PHLPP1: variants seen among roughly 807,000 people sequenced by gnomAD.
The protein encoded by PHLPP1 is PH domain leucine-rich repeat-containing protein phosphatase 1.
PHLPP1 carries 42 observed loss-of-function variants against 117.2 expected under a neutral mutation model. The observed-to-expected ratio is 0.36, with a 90% CI of 0.28 to 0.46. PHLPP1 has a LOEUF of 0.46. PHLPP1 is among the 20% of genes least tolerant of loss of function. PHLPP1 has a pLI of 1.00. For synonymous variants in PHLPP1, 1,042 were observed against 970.7 expected (o/e 1.07, Z -1.37); for missense variants, 2,084 against 2,241.9 (o/e 0.93, Z 1.42).
intron 1 of PHLPP1, among the ~76,000 whole-genome samples, chr18:62,813,530 G>A (rs1250398431): frequency 6.6e-6 from 1 of 152,150 alleles, no homozygotes; most frequent in Non-Finnish European, 1.5e-5. Flanking sequence ...GACCTGATTT[G>A]CTTGCTTCTT....
intron 1 of PHLPP1, among the ~76,000 whole-genome samples, chr18:62,726,488 A>G (rs1223250464): frequency 6.6e-6 from 1 of 151,284 alleles, no homozygotes; most frequent in Admixed American, 6.6e-5. Context: ...ATGCTTAGGA[A>G]TATCTCTTCT....
intron 3 of PHLPP1, among the ~76,000 whole-genome samples, chr18:62,858,651 G>A (rs1407946047): frequency 1.3e-5 from 2 of 152,148 alleles, no homozygotes; most frequent in Non-Finnish European, 2.9e-5. Flanking sequence ...TGTGAATGAA[G>A]CTGGGTATGG....
At chr18:62,935,347 G>A (rs1033662388) in intron 10 of PHLPP1, among the ~76,000 whole-genome samples, 4 of 152,112 alleles carry the variant, frequency 2.6e-5, no homozygotes, top group African/African-American at 4.8e-5. Context: ...TGAATAAAAC[G>A]TTAAAACACT....
At chr18:62,893,121 A>C (rs1437089517) in intron 4 of PHLPP1, among the ~76,000 whole-genome samples, 1 of 150,984 alleles carries the variant, frequency 6.6e-6, no homozygotes, top group Non-Finnish European at 1.5e-5. Context: ...GGTTCACCAC[A>C]ACCTCTGTCT....
chr18:62,736,623 A>C (rs752658906), intron 1 of PHLPP1, among the ~76,000 whole-genome samples: 1 of 152,218 alleles, frequency 6.6e-6, no homozygotes, highest in Non-Finnish European at 1.5e-5. Flanking sequence ...TTGGCGACAT[A>C]ATGAATGAAA....
intron 12 of PHLPP1, among the ~76,000 whole-genome samples, chr18:62,952,360 T>C (rs1910487852): frequency 6.6e-6 from 1 of 152,220 alleles, no homozygotes; most frequent in African/African-American, 2.4e-5. Context: ...AGTTTTAGTG[T>C]TTGAGGAAAT....
chr18:62,829,487 C>T (rs185790788), intron 1 of PHLPP1, among the ~76,000 whole-genome samples: 25 of 152,334 alleles, frequency 1.6e-4, no homozygotes, highest in Non-Finnish European at 7.3e-5. Flanking sequence ...CGTGGTGGCT[C>T]ACGCCTGTAA....
chr18:62,978,738 C>T lies in PHLPP1; in HGVS notation c.4461C>T (p.Ser1487=). 3.1e-6 allele frequency: 5 copies of T among 1,613,618 alleles called. No individual in the cohort carries two copies. Among genetic ancestry groups the T allele is most frequent in the Non-Finnish European group, 4.2e-6 (5 of 1,179,832 alleles). ...GTGAGCTCTCCACTTCTGAGATGAG[C>T]AGCGAGGTGGGGTCAACAGCCTCCG... ...ISSELSTSEM[S]SEVGSTASDE... Residue 1487 remains serine, a synonymous_variant, in exon 17 of 17, where the codon AGC becomes AGT. Transcript: ENST00000262719. The surrounding 1 kb of genome is among the most constrained non-coding windows in gnomAD (Gnocchi z 7.0).
intron 9 of PHLPP1, among the ~76,000 whole-genome samples, chr18:62,916,388 G>C (rs951260362): frequency 6.7e-6 from 1 of 149,010 alleles, no homozygotes; most frequent in Non-Finnish European, 1.5e-5. Context: ...ATTACATGTG[G>C]CTTATATTTG....
At chr18:62,888,544 T>C (rs556385853) in intron 4 of PHLPP1, among the ~76,000 whole-genome samples, 1 of 152,070 alleles carries the variant, frequency 6.6e-6, no homozygotes, top group East Asian at 1.9e-4. Context: ...TTACCAAAAA[T>C]ACAAAACTTA....
chr18:62,891,104 A>G (rs1457903784), intron 4 of PHLPP1, among the ~76,000 whole-genome samples: 1 of 152,180 alleles, frequency 6.6e-6, no homozygotes, highest in Non-Finnish European at 1.5e-5. Flanking sequence ...AGTGTGCCCC[A>G]TGATGCAATG....
At chr18:62,742,429 G>C (rs1471684342) in intron 1 of PHLPP1, among the ~76,000 whole-genome samples, 3 of 152,088 alleles carry the variant, frequency 2.0e-5, no homozygotes, top group Non-Finnish European at 1.5e-5. Flanking sequence ...CTTTTTACTG[G>C]CTTCATGTAA....
chr18:62,742,439 A>ATT (rs952163602), intron 1 of PHLPP1, among the ~76,000 whole-genome samples: 1 of 147,214 alleles, frequency 6.8e-6, no homozygotes, highest in Non-Finnish European at 1.5e-5. Flanking sequence ...GCTTCATGTA[A>ATT]TTTTTTTTTT....
chr18:62,916,854 A>G (rs548942788), intron 9 of PHLPP1, among the ~76,000 whole-genome samples: 55 of 138,536 alleles, frequency 4.0e-4, no homozygotes, highest in African/African-American at 1.5e-3. Context: ...CCCGGGTTCC[A>G]GCAATTCTCG....
intron 1 of PHLPP1, among the ~76,000 whole-genome samples, chr18:62,828,008 T>TTGTGTGTGTGTG (rs34088259): frequency 6.8e-6 from 1 of 146,758 alleles, no homozygotes; most frequent in Non-Finnish European, 1.5e-5. Flanking sequence ...TTCTTTGCAT[T>TTGTGTGTGTGTG]TGTGTGTGTG....
intron 1 of PHLPP1, among the ~76,000 whole-genome samples, chr18:62,822,086 C>G (rs1376810059): frequency 6.6e-6 from 1 of 152,004 alleles, no homozygotes; most frequent in Non-Finnish European, 1.5e-5. Flanking sequence ...GACCAGGACC[C>G]TGTTTCTTAA....
chr18:62,936,996 A>C (rs1208932318), intron 10 of PHLPP1, among the ~76,000 whole-genome samples: 1 of 152,222 alleles, frequency 6.6e-6, no homozygotes, highest in Non-Finnish European at 1.5e-5. Context: ...AGTTGTGACT[A>C]TGTAGAGTTT....
chr18:62,717,364 C>G, intron 1 of PHLPP1, 105 bp downstream of exon 1: 2 of 1,415,306 alleles, frequency 1.4e-6, no homozygotes, highest in Non-Finnish European at 1.9e-6. Flanking sequence ...AAGTGCGGGT[C>G]CTGATGAGTC....
At chr18:62,783,962 T>C (rs1235465411) in intron 1 of PHLPP1, among the ~76,000 whole-genome samples, 1 of 152,234 alleles carries the variant, frequency 6.6e-6, no homozygotes, top group Non-Finnish European at 1.5e-5. Context: ...GGGCCTAGTG[T>C]CTGCCACCTG....
Sources: allele counts gnomAD v4.1 joint callset (sites outside exome capture counted in the v4.1 genomes callset), GRCh38; gene constraint gnomAD v4.1.1; non-coding constraint Gnocchi (gnomAD v3.1); transcripts MANE v1.5; gene names NCBI Gene and HGNC (gene_info 2026-07-23, HGNC 2026-07-21).